The following CMC1 variants were observed in gnomAD, a reference collection of about 807,000 sequenced individuals.
CMC1 encodes COX assembly mitochondrial protein homolog.
CMC1 carries 14 observed loss-of-function variants against 14.1 expected under a neutral mutation model. That is an observed-to-expected ratio of 0.99 (90% CI 0.66 to 1.55). The LOEUF is 1.55. Among genes scored for constraint, CMC1 ranks in the 40% most tolerant of loss-of-function variants. The pLI is 0.00. For synonymous variants in CMC1, 50 were observed against 38.4 expected, an observed-to-expected ratio of 1.30 and a Z score of -1.12; for missense variants, 127 against 123.8, an observed-to-expected ratio of 1.03 and a Z score of -0.12.
In CMC1 at chr3:28,263,354, AAG is replaced by A. The variant is rs1454788716; in HGVS notation, c.88_89del (p.Arg30ValfsTer3). On this transcript the variant is annotated frameshift_variant, in exon 2 of 4. Coordinates refer to ENST00000466830, the MANE Select transcript of CMC1 (RefSeq NM_182523.2). LOFTEE classifies it high-confidence loss of function. ...CCTAAAATAATGAGAGAAAAGGCCA[AAG>A]AGAGGTGTTCTGAACAAGTTCAAGG... 14 of 1,608,358 alleles carry A rather than the reference AAG, an allele frequency of 8.7e-6. No individual in the cohort carries two copies. Among genetic ancestry groups the A allele is most frequent in the Non-Finnish European group, 1.2e-5 (14 of 1,176,822 alleles).
At chr3:28,268,842 T>C (rs1700132678) in intron 2 of CMC1, among the ~76,000 whole-genome samples, 1 of 152,232 alleles carries the variant, frequency 6.6e-6, no homozygotes, top group Non-Finnish European at 1.5e-5. Context: ...AGCTGAATTA[T>C]TTTAAAAATA....
intron 1 of CMC1, among the ~76,000 whole-genome samples, chr3:28,260,534 C>T (rs1336961132): frequency 6.6e-6 from 1 of 150,964 alleles, no homozygotes; most frequent in African/African-American, 2.4e-5. Context: ...CTTATCCTCT[C>T]GAACCAGCTT....
At position 28,259,253 on chromosome 3, in the gene CMC1, A is replaced by G. The variant is rs1229093606; in HGVS notation, c.20-4038A>G. Among the ~76,000 whole-genome samples the G allele has an allele frequency of 2.6e-5, 4 of 152,090 alleles. No homozygotes were observed. The South Asian group carries it at 8.3e-4, about 31-fold the overall frequency. ...GCTATCTTACATAACCATGATATGTATATTCTCAGTGGGTGTGATAACTGC... is the reference window on the plus strand; with the variant it reads ...GCTATCTTACATAACCATGATATGTGTATTCTCAGTGGGTGTGATAACTGC... On this transcript the variant is annotated intron_variant, in intron 1 of 3. Transcript: ENST00000466830.
chr3:28,247,726 A>G (rs1698898940), intron 1 of CMC1, among the ~76,000 whole-genome samples: 2 of 152,216 alleles, frequency 1.3e-5, no homozygotes, highest in Non-Finnish European at 2.9e-5. Flanking sequence ...TCAGATAGGA[A>G]TGGGTACTTG....
At chr3:28,305,565 ATC>A (rs1702261923) in intron 2 of CMC1, among the ~76,000 whole-genome samples, 3 of 151,954 alleles carry the variant, frequency 2.0e-5, no homozygotes, top group African/African-American at 4.8e-5. Context: ...CCTCAACAAC[ATC>A]TCTTAGTCCT....
intron 1 of CMC1, among the ~76,000 whole-genome samples, chr3:28,247,381 A>G (rs1282013730): frequency 6.6e-6 from 1 of 152,126 alleles, no homozygotes; most frequent in African/African-American, 2.4e-5. Context: ...AAATCTGAGC[A>G]AGGATGTGGT....
chr3:28,264,148 A>C (rs1699886125), intron 2 of CMC1, among the ~76,000 whole-genome samples: 1 of 152,186 alleles, frequency 6.6e-6, no homozygotes, highest in African/African-American at 2.4e-5. Context: ...AAGAAGTAAT[A>C]AACTTTTATG....
At chr3:28,241,856 G>C (rs1698535533) in intron 1 of CMC1, 44 bp downstream of exon 1, 1 of 1,235,190 alleles carries the variant, frequency 8.1e-7, no homozygotes, top group South Asian at 4.1e-5. Flanking sequence ...CCTCGCCCCG[G>C]GTCTCACGCC....
intron 1 of CMC1, 40 bp downstream of exon 1, chr3:28,241,852 C>T: frequency 8.1e-7 from 1 of 1,235,652 alleles, no homozygotes; most frequent in Non-Finnish European, 1.0e-6. Context: ...GGGGCCTCGC[C>T]CCGGGTCTCA....
chr3:28,300,118 T>G (rs1014809561), intron 2 of CMC1, among the ~76,000 whole-genome samples: 1 of 152,170 alleles, frequency 6.6e-6, no homozygotes, highest in African/African-American at 2.4e-5. Context: ...ACTGAAAATT[T>G]GGACTTATTT....
Position 28,323,046 on chromosome 3 carries a change from A to G in CMC1, c.*3417A>G, listed in dbSNP as rs1033452037. 2 of 151,176 alleles carry G rather than the reference A, an allele frequency of 1.3e-5. No homozygotes were observed. Among genetic ancestry groups the G allele is most frequent in the African/African-American group, 4.8e-5 (2 of 41,330 alleles). 9.4% of individuals were successfully genotyped at this position (151,176 alleles called of 1,614,324 possible). On this transcript the variant is annotated 3_prime_UTR_variant, in exon 4 of 4. Coordinates refer to ENST00000466830, the MANE Select transcript of CMC1 (RefSeq NM_182523.2). The stretch of plus-strand genomic sequence containing the variant: ...AAGTGTGGACATTTCATGATCGACA[A>G]TATCAATACAGCCCAAACCCTGATT...
chr3:28,281,056 G>A lies in CMC1; in HGVS notation c.109+17676G>A, dbSNP rs74594759. Among the ~76,000 whole-genome samples, 455 of 152,244 alleles carry A rather than the reference G, an allele frequency of 3.0e-3. 6 individuals are homozygous for A. Among genetic ancestry groups the A allele is most frequent in the African/African-American group, 0.01 (433 of 41,548 alleles). On this transcript the variant is annotated intron_variant, in intron 2 of 3. Transcript: ENST00000466830. ...AATGTTTACTCTTTGGCTCTTTACC[G>A]AAAACATTTCCTGACTCCTGGTTTA...
chr3:28,300,138 G>A (rs969260473), intron 2 of CMC1, among the ~76,000 whole-genome samples: 6 of 151,928 alleles, frequency 3.9e-5, no homozygotes, highest in African/African-American at 7.3e-5. Flanking sequence ...TATTAGCAAA[G>A]TATCACGTTA....
Position 28,303,327 on chromosome 3 carries a change from T to C in CMC1, c.110-13006T>C, listed in dbSNP as rs115135439. ...GAAATAAGACAGTTTCTATTCAACATTATTAATGTATTCTTGAATTTTGGT... is the reference window on the plus strand; with the variant it reads ...GAAATAAGACAGTTTCTATTCAACACTATTAATGTATTCTTGAATTTTGGT... On this transcript the variant is annotated intron_variant, in intron 2 of 3. Transcript: ENST00000466830. Among the ~76,000 whole-genome samples, 856 of 152,308 alleles carry C rather than the reference T, an allele frequency of 5.6e-3. 4 individuals are homozygous for C. Among genetic ancestry groups the C allele is most frequent in the Non-Finnish European group, 9.2e-3 (629 of 68,010 alleles).
At chr3:28,244,066 A>G (rs946590801) in intron 1 of CMC1, among the ~76,000 whole-genome samples, 8 of 152,216 alleles carry the variant, frequency 5.3e-5, no homozygotes, top group Non-Finnish European at 1.2e-4. Flanking sequence ...CCATAAGGAA[A>G]GATATTGGGA....
At chr3:28,274,884 TC>T (rs1670906187) in intron 2 of CMC1, among the ~76,000 whole-genome samples, 1 of 152,310 alleles carries the variant, frequency 6.6e-6, no homozygotes, top group African/African-American at 2.4e-5. Context: ...CTGAAATTCT[TC>T]CTTTCAGCTA....
Position 28,319,786 on chromosome 3 carries a change from TA to T in CMC1, c.*160del. 1 of 640,424 alleles carries T rather than the reference TA, an allele frequency of 1.6e-6. No individual in the cohort carries two copies. The highest frequency in any genetic ancestry group is 2.5e-6 in the Non-Finnish European group (1 of 406,664). The allele number at this position is 640,424 out of a possible 1,614,324, so 39.7% of individuals were successfully genotyped here. A position where few individuals can be genotyped will look rare whatever the true frequency, so the allele number is the denominator to read the frequency against. On this transcript the variant is annotated 3_prime_UTR_variant, in exon 4 of 4. Transcript: ENST00000466830. ...ATTTTATTTCAAAGTTTTGGTTTCT[TA>T]AATGGGAAAGGAGTAGTTACTGAAT...
At chr3:28,310,969 A>G (rs1702610565) in intron 2 of CMC1, among the ~76,000 whole-genome samples, 1 of 152,184 alleles carries the variant, frequency 6.6e-6, no homozygotes, top group African/African-American at 2.4e-5. Context: ...GGTGGAGCTC[A>G]GGCAGTAATG....
At chr3:28,266,605 A>G (rs1271272163) in intron 2 of CMC1, among the ~76,000 whole-genome samples, 2 of 151,966 alleles carry the variant, frequency 1.3e-5, no homozygotes, top group Non-Finnish European at 2.9e-5. Flanking sequence ...GGCCTCCCAA[A>G]GTGCTGGGAT....
Sources: gnomAD v4.1 joint callset for allele counts (sites outside exome capture counted in the v4.1 genomes callset) on GRCh38, gnomAD v4.1.1 for gene constraint, MANE v1.5 for transcripts, NCBI Gene and HGNC (gene_info 2026-07-23, HGNC 2026-07-21) for gene names.